Variants in ALPL observed in about 807,000 individuals in gnomAD.
ALPL encodes alkaline phosphatase, biomineralization associated.
Under a neutral mutation model 51.3 loss-of-function variants are expected in ALPL, and 42 were observed. The observed-to-expected ratio is 0.82, with a 90% CI of 0.64 to 1.06. The LOEUF (loss-of-function observed/expected upper bound fraction) is 1.06. ALPL is among the 50% of genes least tolerant of loss of function. The probability of loss-of-function intolerance (pLI) is 0.00; values close to 1 mark genes in which losing one functional copy is unlikely to be tolerated. For synonymous variants in ALPL, 279 were observed against 296.4 expected (o/e 0.94, Z 0.60); for missense variants, 589 against 709.4 (o/e 0.83, Z 1.93).
intron 1 of ALPL, among the ~76,000 whole-genome samples, chr1:21,518,034 C>T (rs910610565): frequency 3.3e-5 from 5 of 152,000 alleles, no homozygotes; most frequent in South Asian, 2.1e-4. Context: ...TTCAGTGTCA[C>T]GGTGCTCCTT....
chr1:21,552,674 C>G (rs1432067177), intron 1 of ALPL, among the ~76,000 whole-genome samples: 1 of 152,094 alleles, frequency 6.6e-6, no homozygotes, highest in Non-Finnish European at 1.5e-5. Context: ...CTCAGCTTCC[C>G]AAGTAGCTGG....
At chr1:21,533,564 G>A (rs990724114) in intron 1 of ALPL, among the ~76,000 whole-genome samples, 10 of 152,134 alleles carry the variant, frequency 6.6e-5, no homozygotes, top group Admixed American at 3.9e-4. Context: ...ACACAGCCAG[G>A]ACTTAACCCC....
intron 1 of ALPL, among the ~76,000 whole-genome samples, chr1:21,519,433 A>G (rs1643862405): frequency 6.6e-6 from 1 of 152,230 alleles, no homozygotes; most frequent in African/African-American, 2.4e-5. Context: ...GTGCTTTACC[A>G]TCGGCAGAGC....
intron 6 of ALPL, 82 bp from the exon 7 acceptor site, chr1:21,568,022 G>C: frequency 6.3e-7 from 1 of 1,595,474 alleles, no homozygotes; most frequent in South Asian, 1.1e-5. Flanking sequence ...GGGACTCCAG[G>C]AGTCCAGGTT....
chr1:21,562,821 G>A (rs371429624), intron 4 of ALPL, among the ~76,000 whole-genome samples: 36 of 152,184 alleles, frequency 2.4e-4, no homozygotes, highest in African/African-American at 6.7e-4. Context: ...CCGGAGAGAG[G>A]CCTCCGCTGA....
chr1:21,534,022 T>C (rs1644066187), intron 1 of ALPL, among the ~76,000 whole-genome samples: 1 of 151,500 alleles, frequency 6.6e-6, no homozygotes, highest in Non-Finnish European at 1.5e-5. Context: ...CAGTGAGAAG[T>C]CTCCCAGGCT....
intron 1 of ALPL, among the ~76,000 whole-genome samples, chr1:21,522,249 A>G (rs913448456): frequency 6.6e-6 from 1 of 151,836 alleles, no homozygotes; most frequent in Non-Finnish European, 1.5e-5. Flanking sequence ...TTTTTGTTGT[A>G]TTTTTTAGTA....
chr1:21,513,242 G>T (rs895401651), intron 1 of ALPL, among the ~76,000 whole-genome samples: 1 of 152,074 alleles, frequency 6.6e-6, no homozygotes, highest in African/African-American at 2.4e-5. Context: ...GGCTTGCCCA[G>T]GGTCACACAA....
At position 21,533,675 on chromosome 1, in the gene ALPL, C is replaced by G. The variant is rs1303644122; in HGVS notation, c.-104-20303C>G. Among the ~76,000 whole-genome samples the G allele has an allele frequency of 2.6e-5, 4 of 152,212 alleles. No individual in the cohort carries two copies. The East Asian group carries it at 7.7e-4, about 29-fold the overall frequency. On this transcript the variant is annotated intron_variant, in intron 1 of 11. Transcript: ENST00000374840. ...GTGGCTCACGCCTGTAATCCCAGCA[C>G]TTTGGGAGGCTGAGGTGGGTGGATT...
chr1:21,567,586 C>T (rs1298972759), intron 6 of ALPL, among the ~76,000 whole-genome samples: 1 of 152,186 alleles, frequency 6.6e-6, no homozygotes, highest in African/African-American at 2.4e-5. Context: ...CTTAGCTGCA[C>T]GAATACAGCA....
chr1:21,541,991 C>T (rs1446656695), intron 1 of ALPL, among the ~76,000 whole-genome samples: 1 of 152,210 alleles, frequency 6.6e-6, no homozygotes, highest in East Asian at 1.9e-4. Flanking sequence ...TTCCTTGGAT[C>T]TGACCTGCAG....
intron 7 of ALPL, among the ~76,000 whole-genome samples, chr1:21,568,631 G>A (rs1296703810): frequency 1.3e-5 from 2 of 152,072 alleles, no homozygotes; most frequent in Non-Finnish European, 2.9e-5. Context: ...CTCTGCAGGC[G>A]CCCTGGGGGG....
intron 1 of ALPL, among the ~76,000 whole-genome samples, chr1:21,542,053 C>T (rs890225223): frequency 3.3e-5 from 5 of 152,240 alleles, no homozygotes; most frequent in African/African-American, 1.2e-4. Context: ...TCCAGCTCTT[C>T]ATGACAGCCA....
intron 10 of ALPL, 97 bp downstream of exon 10, chr1:21,576,021 G>A (rs1208682512): frequency 7.0e-7 from 1 of 1,429,092 alleles, no homozygotes; most frequent in East Asian, 2.3e-5. Context: ...CCAGAGCATG[G>A]TGGGGACTCA....
intron 1 of ALPL, among the ~76,000 whole-genome samples, chr1:21,540,227 C>T (rs905826040): frequency 6.6e-5 from 10 of 152,188 alleles, no homozygotes; most frequent in Admixed American, 1.3e-4. Context: ...GCTCCGCCCC[C>T]GACCCCTGCC....
intron 1 of ALPL, among the ~76,000 whole-genome samples, chr1:21,526,642 T>C (rs2148076816): frequency 6.6e-6 from 1 of 152,308 alleles, no homozygotes; most frequent in South Asian, 2.1e-4. Flanking sequence ...TAATTGATGG[T>C]CACAGGATGT....
intron 1 of ALPL, among the ~76,000 whole-genome samples, chr1:21,525,754 A>C (rs1643933212): frequency 6.6e-6 from 1 of 152,216 alleles, no homozygotes; most frequent in South Asian, 2.1e-4. Context: ...TTGGGAGGCC[A>C]AGGCCAGTGG....
chr1:21,558,214 A>G (rs1378384641), intron 2 of ALPL, among the ~76,000 whole-genome samples: 1 of 152,216 alleles, frequency 6.6e-6, no homozygotes, highest in Non-Finnish European at 1.5e-5. Flanking sequence ...CAAGCACTCA[A>G]CGGAGCAGGG....
At chr1:21,522,353 C>CAT (rs1643892036) in intron 1 of ALPL, among the ~76,000 whole-genome samples, 1 of 152,160 alleles carries the variant, frequency 6.6e-6, no homozygotes, top group African/African-American at 2.4e-5. Context: ...GGATTACAGG[C>CAT]GTGAGCCACT....
Sources: allele counts gnomAD v4.1 joint callset (sites outside exome capture counted in the v4.1 genomes callset), GRCh38; gene constraint gnomAD v4.1.1; transcripts MANE v1.5; gene names NCBI Gene and HGNC (gene_info 2026-07-23, HGNC 2026-07-21).